PUM1: variants seen among roughly 807,000 people sequenced by gnomAD.
PUM1 encodes pumilio homolog 1.
PUM1 carries 13 observed loss-of-function variants against 131.8 expected under a neutral mutation model. The ratio of observed to expected loss-of-function variants is 0.10; its 90% CI spans 0.06 to 0.16. PUM1 has a LOEUF of 0.16. PUM1 is among the 10% of genes least tolerant of loss of function. PUM1 has a pLI of 1.00. For missense variants in PUM1, 961 were observed against 1,512.4 expected (o/e 0.64, Z 6.05); for synonymous variants, 509 against 556.5 (o/e 0.91, Z 1.20).
chr1:31,014,653 T>C (rs1472623814), intron 3 of PUM1, among the ~76,000 whole-genome samples: 2 of 151,898 alleles, frequency 1.3e-5, no homozygotes, highest in Non-Finnish European at 2.9e-5. Flanking sequence ...CCAGGCGTAG[T>C]GGCCAGGCGC....
intron 19 of PUM1, 181 bp downstream of exon 19, chr1:30,941,817 A>G (rs1639447744): frequency 1.6e-6 from 1 of 620,772 alleles, no homozygotes; most frequent in Non-Finnish European, 2.8e-6. Flanking sequence ...CTAGGGCTCA[A>G]TTCACTACCC....
At position 31,023,974 on chromosome 1, in the gene PUM1, C is replaced by T. The variant is rs952150047; in HGVS notation, c.432+4822G>A. On this transcript the variant is annotated intron_variant, in intron 3 of 21. Coordinates refer to ENST00000426105, the MANE Select transcript of PUM1 (RefSeq NM_001020658.2). ...ATGAAAAGTTACAAAATCTCTAAAT[C>T]ACAGGGGGGAAAGTCAATCTAAAAG... 4.8e-5 allele frequency among the ~76,000 whole-genome samples: 7 copies of T among 147,218 alleles called. No individual in the cohort carries two copies. The East Asian group carries it at 1.4e-3, about 30-fold the overall frequency.
intron 2 of PUM1, among the ~76,000 whole-genome samples, chr1:31,032,141 A>T (rs940672705): frequency 6.6e-6 from 1 of 152,240 alleles, no homozygotes; most frequent in Admixed American, 6.5e-5. Context: ...TACATGAGAT[A>T]AACCAAGTCA....
At chr1:31,059,676 A>G (rs778077422) in intron 1 of PUM1, 99 bp from the exon 2 acceptor site, 1 of 1,400,924 alleles carries the variant, frequency 7.1e-7, no homozygotes, top group Non-Finnish European at 9.6e-7. Context: ...TACAATAAAT[A>G]AATGTCGTTG....
rs1640040531 is a variant in PUM1 at position 30,953,709 on chromosome 1, C to T, written c.2591+5G>A. The T allele has an allele frequency of 8.1e-6, 13 of 1,614,054 alleles. No individual in the cohort carries two copies. The highest frequency in any genetic ancestry group is 1.1e-5 in the Non-Finnish European group (13 of 1,179,896). On this transcript the variant is annotated splice_donor_5th_base_variant and intron_variant, in intron 15 of 21. Transcript: ENST00000426105. ...TACCTTAAAGTGCCAAAGCCAAGTA[C>T]TCACCTGGACCCATGCTGGTCTTGG...
chr1:31,052,112 A>T (rs903864975), intron 2 of PUM1, among the ~76,000 whole-genome samples: 20 of 152,000 alleles, frequency 1.3e-4, no homozygotes, highest in African/African-American at 4.1e-4. Flanking sequence ...TCCCGGGTTC[A>T]TGCCATTCTC....
At chr1:30,934,024 G>C (rs1393802672) in intron 21 of PUM1, among the ~76,000 whole-genome samples, 1 of 152,154 alleles carries the variant, frequency 6.6e-6, no homozygotes, top group African/African-American at 2.4e-5. Context: ...CCACGAATCA[G>C]GTTTCTCCCC....
chr1:31,038,979 TATATA>T (rs1330325927), intron 2 of PUM1, among the ~76,000 whole-genome samples: 1 of 40,394 alleles, frequency 2.5e-5, no homozygotes, highest in African/African-American at 1.2e-4. Context: ...TATATATATA[TATATA>T]TTTTTTTTTT....
At chr1:30,995,375 AG>A (rs2124490586) in intron 5 of PUM1, among the ~76,000 whole-genome samples, 155 bp from the exon 6 acceptor site, 1 of 152,362 alleles carries the variant, frequency 6.6e-6, no homozygotes, top group African/African-American at 2.4e-5. Context: ...ACACAGAGGC[AG>A]GAACACTGCA....
chr1:30,973,512 T>A, intron 10 of PUM1, among the ~76,000 whole-genome samples: 1 of 152,270 alleles, frequency 6.6e-6, no homozygotes, highest in East Asian at 1.9e-4. Flanking sequence ...AAAATACTGA[T>A]ACAAATGAAA....
chr1:31,003,745 G>A (rs554959694), intron 5 of PUM1, among the ~76,000 whole-genome samples: 1 of 152,154 alleles, frequency 6.6e-6, no homozygotes, highest in Admixed American at 6.5e-5. Context: ...CGACAAGAGT[G>A]AAACTCCACC....
chr1:31,039,278 G>A (rs1473584200), intron 2 of PUM1, among the ~76,000 whole-genome samples: 1 of 151,172 alleles, frequency 6.6e-6, no homozygotes, highest in Non-Finnish European at 1.5e-5. Context: ...GAGTGCAGTG[G>A]CACGATCTCA....
At chr1:31,029,949 C>G (rs1048161541) in intron 2 of PUM1, among the ~76,000 whole-genome samples, 26 of 149,064 alleles carry the variant, frequency 1.7e-4, no homozygotes, top group Non-Finnish European at 3.4e-4. Context: ...GGCGCAGTGG[C>G]TCAAGCCTGT....
intron 2 of PUM1, among the ~76,000 whole-genome samples, chr1:31,046,489 GTTT>G (rs60794285): frequency 7.3e-6 from 1 of 136,628 alleles, no homozygotes; most frequent in Non-Finnish European, 1.6e-5. Flanking sequence ...GGGTTTTTGG[GTTT>G]TTTTTTTTTG....
chr1:31,028,265 C>T (rs1400804414), intron 3 of PUM1, among the ~76,000 whole-genome samples: 1 of 152,172 alleles, frequency 6.6e-6, no homozygotes, highest in Non-Finnish European at 1.5e-5. Flanking sequence ...ACTGGCTCAG[C>T]TCTCTACCTT....
chr1:31,004,180 G>A (rs1240798837), intron 5 of PUM1, among the ~76,000 whole-genome samples: 2 of 152,188 alleles, frequency 1.3e-5, no homozygotes, highest in Non-Finnish European at 2.9e-5. Flanking sequence ...ACCGTCTAGT[G>A]AGATGACTGT....
chr1:30,966,282 T>G lies in PUM1; in HGVS notation c.1790-4A>C. 1 of 1,581,128 alleles carries G rather than the reference T, an allele frequency of 6.3e-7. No homozygotes were observed. The highest frequency in any genetic ancestry group is 8.6e-7 in the Non-Finnish European group (1 of 1,161,884). ...GAAGCTGCGGCTGCTGCAACAGCTATGAAGAAGAAAGCAAACCGTTTGGCT... is the reference window on the plus strand; with the variant it reads ...GAAGCTGCGGCTGCTGCAACAGCTAGGAAGAAGAAAGCAAACCGTTTGGCT... On this transcript the variant is annotated splice_region_variant and splice_polypyrimidine_tract_variant and intron_variant, in intron 12 of 21. Coordinates refer to ENST00000426105, the MANE Select transcript of PUM1 (RefSeq NM_001020658.2).
intron 15 of PUM1, among the ~76,000 whole-genome samples, chr1:30,952,965 G>C (rs1640009424): frequency 6.6e-6 from 1 of 151,800 alleles, no homozygotes. Context: ...GACAGAGCAA[G>C]ACTCTGTCTC....
At chr1:30,977,417 G>C (rs376984025) in intron 9 of PUM1, among the ~76,000 whole-genome samples, 1 of 152,166 alleles carries the variant, frequency 6.6e-6, no homozygotes, top group Non-Finnish European at 1.5e-5. Flanking sequence ...CAACAAAAGC[G>C]AGCCTCTACT....
Sources: gnomAD v4.1 joint callset for allele counts (sites outside exome capture counted in the v4.1 genomes callset) on GRCh38, gnomAD v4.1.1 for gene constraint, MANE v1.5 for transcripts, NCBI Gene and HGNC (gene_info 2026-07-23, HGNC 2026-07-21) for gene names.